Variants in SNTG2 observed in about 807,000 individuals in gnomAD.
SNTG2 encodes the protein gamma-2-syntrophin.
Under a neutral mutation model 70.9 loss-of-function variants are expected in SNTG2, and 74 were observed. That is an observed-to-expected ratio of 1.04 (90% CI 0.86 to 1.27). The LOEUF (loss-of-function observed/expected upper bound fraction) is 1.27, where lower values mean the gene tolerates loss of function less well. Ranked by LOEUF, SNTG2 falls within the 50% of genes most tolerant of loss-of-function variation. The pLI is 0.00. For synonymous variants in SNTG2, 278 were observed against 273.8 expected, an observed-to-expected ratio of 1.02 and a Z score of -0.15; for missense variants, 717 against 690.7, an observed-to-expected ratio of 1.04 and a Z score of -0.43.
At chr2:1,296,752 G>C (rs1680237183) in intron 14 of SNTG2, among the ~76,000 whole-genome samples, 1 of 152,200 alleles carries the variant, frequency 6.6e-6, no homozygotes, top group East Asian at 1.9e-4. Flanking sequence ...AGACTCCCCA[G>C]CACGCTCTTT....
chr2:1,144,017 A>G (rs1668938199), intron 6 of SNTG2, among the ~76,000 whole-genome samples: 1 of 152,198 alleles, frequency 6.6e-6, no homozygotes. Context: ...CACAGTTGAC[A>G]GTGTTGAAGC....
chr2:1,005,245 G>A (rs758539855), intron 1 of SNTG2, among the ~76,000 whole-genome samples: 14 of 152,126 alleles, frequency 9.2e-5, no homozygotes, highest in Non-Finnish European at 1.3e-4. Flanking sequence ...TGTAGTGGTG[G>A]ACAGGTGTCA....
rs139540808 is a variant in SNTG2 at position 1,126,009 on chromosome 2, G to C, written c.326-11613G>C. Among the ~76,000 whole-genome samples the C allele has an allele frequency of 1.9e-3, 286 of 152,114 alleles. 1 individual carries two copies. Among genetic ancestry groups the C allele is most frequent in the Non-Finnish European group, 3.6e-3 (242 of 68,014 alleles). The stretch of plus-strand genomic sequence containing the variant: ...TCTTTGTGTTGGGAATATTCAATAT[G>C]CTCTCTTCTAGCCATTTGAAAATAA... On this transcript the variant is annotated intron_variant, in intron 4 of 16. Coordinates refer to ENST00000308624, the MANE Select transcript of SNTG2 (RefSeq NM_018968.4).
chr2:1,166,149 G>A (rs1424916687), intron 7 of SNTG2, among the ~76,000 whole-genome samples: 1 of 152,178 alleles, frequency 6.6e-6, no homozygotes, highest in African/African-American at 2.4e-5. Flanking sequence ...GATAGTTGTT[G>A]TAACTTTTAC....
chr2:1,229,957 C>T (rs563456536), intron 9 of SNTG2, among the ~76,000 whole-genome samples: 9 of 152,330 alleles, frequency 5.9e-5, no homozygotes, highest in South Asian at 2.1e-4. Flanking sequence ...ACGCAGCCCC[C>T]GTTCCCGCTC....
At chr2:1,062,285 T>C (rs1016785044) in intron 1 of SNTG2, among the ~76,000 whole-genome samples, 1 of 152,180 alleles carries the variant, frequency 6.6e-6, no homozygotes, top group African/African-American at 2.4e-5. Context: ...GATATACTTT[T>C]GTTGTTGTCT....
chr2:1,348,255 C>T (rs1573012475), intron 16 of SNTG2, among the ~76,000 whole-genome samples: 1 of 152,210 alleles, frequency 6.6e-6, no homozygotes, highest in East Asian at 1.9e-4. Context: ...CCCCAGCCAT[C>T]TGAATGGACT....
Position 1,353,225 on chromosome 2 carries a change from T to C in SNTG2, c.1489-14118T>C, listed in dbSNP as rs553809461. 2.0e-5 allele frequency among the ~76,000 whole-genome samples: 3 copies of C among 152,148 alleles called. No homozygotes were observed. Among genetic ancestry groups the C allele is most frequent in the East Asian group, 3.9e-4 (2 of 5,142 alleles). ...ATCCCCAGGACAGCCAGGTCACCTG[T>C]ACACCACCTCCCGCCCACAGAAACA... On this transcript the variant is annotated intron_variant, in intron 16 of 16. Coordinates refer to ENST00000308624, the MANE Select transcript of SNTG2 (RefSeq NM_018968.4). This position sits in a 1 kb window ranked among gnomAD's most constrained non-coding sequence, Gnocchi z 4.2.
At chr2:1,328,838 T>C (rs181383145) in intron 16 of SNTG2, among the ~76,000 whole-genome samples, 214 of 151,120 alleles carry the variant, frequency 1.4e-3, no homozygotes, top group Middle Eastern at 6.8e-3. Flanking sequence ...TATACACACA[T>C]ACACATACAC....
chr2:1,129,963 A>G (rs553512114), intron 4 of SNTG2, among the ~76,000 whole-genome samples: 2 of 152,348 alleles, frequency 1.3e-5, no homozygotes, highest in South Asian at 2.1e-4. Context: ...CAGGCCATAC[A>G]TGCACTTAAC....
intron 8 of SNTG2, among the ~76,000 whole-genome samples, chr2:1,177,050 A>C (rs183014112): frequency 5.9e-5 from 9 of 152,342 alleles, no homozygotes; most frequent in African/African-American, 1.7e-4. Flanking sequence ...TTGCAGCACT[A>C]TTCACAATTG....
At chr2:959,107 TA>T (rs541746249) in intron 1 of SNTG2, among the ~76,000 whole-genome samples, 2,987 of 152,298 alleles carry the variant, frequency 0.02, 87 homozygotes, top group African/African-American at 0.068. Context: ...TAATTATATT[TA>T]AAAAATTCAT....
intron 1 of SNTG2, among the ~76,000 whole-genome samples, chr2:1,017,993 T>G (rs193176614): frequency 8.5e-5 from 13 of 152,292 alleles, no homozygotes; most frequent in Admixed American, 2.0e-4. Flanking sequence ...GTTTCGTCCA[T>G]CCCTTTTCCT....
chr2:982,522 G>T (rs1449957709), intron 1 of SNTG2, among the ~76,000 whole-genome samples: 1 of 152,218 alleles, frequency 6.6e-6, no homozygotes, highest in Admixed American at 6.5e-5. Flanking sequence ...CCTCCTGGTT[G>T]TGAGTAAAGT....
At chr2:1,131,752 C>T (rs76151575) in intron 4 of SNTG2, among the ~76,000 whole-genome samples, 6,171 of 151,678 alleles carry the variant, frequency 0.041, 237 homozygotes, top group South Asian at 0.18. Context: ...CCCGGGTTCA[C>T]GTGATTCTCC....
intron 4 of SNTG2, among the ~76,000 whole-genome samples, chr2:1,115,908 A>G (rs1442163326): frequency 6.6e-6 from 1 of 152,216 alleles, no homozygotes; most frequent in Non-Finnish European, 1.5e-5. Flanking sequence ...TTCAAGCCCC[A>G]TTCTGCCCTT....
At chr2:1,331,506 A>G (rs1001321295) in intron 16 of SNTG2, among the ~76,000 whole-genome samples, 30 of 152,184 alleles carry the variant, frequency 2.0e-4, no homozygotes, top group African/African-American at 7.0e-4. Context: ...GGATCCCTTG[A>G]CTTTATTCTT....
chr2:1,171,840 G>A (rs1671144484), intron 7 of SNTG2, among the ~76,000 whole-genome samples: 1 of 152,176 alleles, frequency 6.6e-6, no homozygotes, highest in African/African-American at 2.4e-5. Flanking sequence ...GTAACTCGCT[G>A]AACGTTGCAC....
intron 8 of SNTG2, among the ~76,000 whole-genome samples, chr2:1,190,239 A>G (rs890925371): frequency 3.3e-5 from 5 of 151,980 alleles, no homozygotes; most frequent in Non-Finnish European, 7.4e-5. Context: ...TAAGACCCTT[A>G]TATAAAATGG....
Sources: allele counts gnomAD v4.1 joint callset (sites outside exome capture counted in the v4.1 genomes callset), GRCh38; gene constraint gnomAD v4.1.1; non-coding constraint Gnocchi (gnomAD v3.1); transcripts MANE v1.5; gene names NCBI Gene and HGNC (gene_info 2026-07-23, HGNC 2026-07-21).